Variants in GOLGB1 observed in about 807,000 individuals in gnomAD.
GOLGB1 encodes golgin B1, also known as golgin subfamily B member 1.
Under a neutral mutation model 336.9 loss-of-function variants are expected in GOLGB1, and 174 were observed. The ratio of observed to expected loss-of-function variants is 0.52; its 90% CI spans 0.46 to 0.59. The LOEUF is 0.59. Among genes scored for constraint, GOLGB1 ranks in the 20% least tolerant of loss-of-function variants. The pLI is 0.00. For synonymous variants in GOLGB1, 1,208 were observed against 1,289.2 expected (o/e 0.94, Z 1.35); for missense variants, 3,331 against 3,645.3 (o/e 0.91, Z 2.22).
chr3:121,721,444 T>C (rs1342513036), intron 6 of GOLGB1, among the ~76,000 whole-genome samples: 1 of 151,972 alleles, frequency 6.6e-6, no homozygotes, highest in Admixed American at 6.6e-5. Flanking sequence ...CTGGGCAACA[T>C]ATTGAGAACC....
chr3:121,687,403 T>A (rs899682764), intron 14 of GOLGB1, among the ~76,000 whole-genome samples: 1 of 152,216 alleles, frequency 6.6e-6, no homozygotes, highest in Non-Finnish European at 1.5e-5. Context: ...AAGACTTATA[T>A]GGTGATGGTC....
In GOLGB1 at chr3:121,664,945, G is replaced by T. The variant is rs138614748; in HGVS notation, c.9641C>A (p.Thr3214Lys). Residue 3214 changes from threonine to lysine, a missense_variant, in exon 21 of 22, where the codon ACA becomes AAA. Coordinates refer to ENST00000614479, the MANE Select transcript of GOLGB1 (RefSeq NM_001366282.2). ...TCTTACCCTTCGACAACTGTTGCTTGTAAGATCTATTAACAGTGCCTGCTC... is the reference window on the plus strand; with the variant it reads ...TCTTACCCTTCGACAACTGTTGCTTTTAAGATCTATTAACAGTGCCTGCTC... ...TQEQALLIDL[T>K]SNSCRRTRSG... 1 of 1,599,196 alleles carries T rather than the reference G, an allele frequency of 6.3e-7. No individual in the cohort carries two copies. Among genetic ancestry groups the T allele is most frequent in the Non-Finnish European group, 8.6e-7 (1 of 1,166,496 alleles).
At chr3:121,724,818 T>C (rs1289331246) in intron 5 of GOLGB1, among the ~76,000 whole-genome samples, 2 of 152,216 alleles carry the variant, frequency 1.3e-5, no homozygotes, top group Non-Finnish European at 2.9e-5. Context: ...GAATGGTTTC[T>C]GTGAATAGGC....
At chr3:121,730,659 C>A (rs1028753117) in intron 2 of GOLGB1, among the ~76,000 whole-genome samples, 26 of 152,142 alleles carry the variant, frequency 1.7e-4, no homozygotes, top group Non-Finnish European at 4.4e-5. Context: ...ATGAGAAAGC[C>A]CTTTCAAATT....
chr3:121,709,603 TCA>T (rs907814838), intron 10 of GOLGB1, among the ~76,000 whole-genome samples: 2 of 151,912 alleles, frequency 1.3e-5, no homozygotes, highest in African/African-American at 4.8e-5. Context: ...AATGAAAAAA[TCA>T]CAGAGAAACT....
rs945951616 is a variant in GOLGB1 at position 121,718,203 on chromosome 3, G to A, written c.885+185C>T. 5.3e-5 allele frequency among the ~76,000 whole-genome samples: 8 copies of A among 152,144 alleles called. 1 individual carries two copies. The highest frequency in any genetic ancestry group is 1.9e-4 in the East Asian group (1 of 5,194). The stretch of plus-strand genomic sequence containing the variant: ...TGTATGCTCCATGAGGGAAAGAACT[G>A]TATTTAGTTTTGCTCATAATTGTAC... On this transcript the variant is annotated intron_variant, in intron 8 of 21. Transcript: ENST00000614479.
At chr3:121,715,714 A>G (rs998103434) in intron 9 of GOLGB1, among the ~76,000 whole-genome samples, 5 of 152,034 alleles carry the variant, frequency 3.3e-5, no homozygotes, top group Admixed American at 1.3e-4. Context: ...CTGTCTGGCT[A>G]GGGCACAATG....
Position 121,696,900 on chromosome 3 carries a change from TCC to T in GOLGB1, c.3621_3622del (p.Glu1208GlyfsTer8). The T allele has an allele frequency of 6.2e-7, 1 of 1,614,204 alleles. No homozygotes were observed. The highest frequency in any genetic ancestry group is 1.7e-5 in the Admixed American group (1 of 60,032). On this transcript the variant is annotated frameshift_variant, in exon 13 of 22. Coordinates refer to ENST00000614479, the MANE Select transcript of GOLGB1 (RefSeq NM_001366282.2). LOFTEE classifies it high-confidence loss of function. ...GTCATCTTTCTGTTGCTTTAGCTCC[TCC>T]CTGAGATGTCTTTCTTTCTCCTGTG...
chr3:121,681,981 C>A (rs1941123776), intron 14 of GOLGB1, 116 bp from the exon 15 acceptor site: 3 of 691,084 alleles, frequency 4.3e-6, no homozygotes, highest in Non-Finnish European at 2.5e-6. Flanking sequence ...CAGCACCTAA[C>A]AGTCCACTGA....
chr3:121,680,817 A>G (rs1392444644), intron 15 of GOLGB1, among the ~76,000 whole-genome samples: 2 of 152,240 alleles, frequency 1.3e-5, no homozygotes, highest in Admixed American at 6.5e-5. Context: ...AATTAACCCA[A>G]TTAGAAAACG....
intron 10 of GOLGB1, among the ~76,000 whole-genome samples, chr3:121,705,679 A>G (rs1365923516): frequency 6.6e-6 from 1 of 152,252 alleles, no homozygotes; most frequent in Non-Finnish European, 1.5e-5. Flanking sequence ...AACCCTGCAG[A>G]TCTGCAAAGG....
intron 10 of GOLGB1, among the ~76,000 whole-genome samples, chr3:121,706,190 T>C (rs190747331): frequency 6.6e-6 from 1 of 151,074 alleles, no homozygotes. Flanking sequence ...CAACTTCAAG[T>C]AATCTAATAT....
At position 121,682,291 on chromosome 3, in the gene GOLGB1, C is replaced by T. The variant is rs150258117; in HGVS notation, c.8695-426G>A. On this transcript the variant is annotated intron_variant, in intron 14 of 21. Coordinates refer to ENST00000614479, the MANE Select transcript of GOLGB1 (RefSeq NM_001366282.2). ...GCTATCAATCTTAACTGTAGCTTAG[C>T]GGATACTGATTATAAAGAAGGCAGT... Among the ~76,000 whole-genome samples the T allele has an allele frequency of 1.1e-4, 16 of 152,272 alleles. 1 individual carries two copies. The highest frequency in any genetic ancestry group is 4.1e-4 in the South Asian group (2 of 4,826).
chr3:121,701,429 G>C (rs1395221594), intron 11 of GOLGB1, among the ~76,000 whole-genome samples: 1 of 152,116 alleles, frequency 6.6e-6, no homozygotes, highest in Non-Finnish European at 1.5e-5. Context: ...CTTCCATTTA[G>C]ATCTAAGTGG....
intron 15 of GOLGB1, 136 bp downstream of exon 15, chr3:121,681,551 T>A: frequency 1.5e-6 from 1 of 645,408 alleles, no homozygotes; most frequent in South Asian, 2.0e-5. Flanking sequence ...GCTACAGTTA[T>A]GTAAGATGTC....
At chr3:121,690,558 G>T in intron 14 of GOLGB1, 112 bp downstream of exon 14, 1 of 517,626 alleles carries the variant, frequency 1.9e-6, no homozygotes, top group South Asian at 5.4e-5. Flanking sequence ...TACTTTCCCT[G>T]CGTTCCCAGA....
chr3:121,678,805 G>A (rs1285411586), intron 15 of GOLGB1, among the ~76,000 whole-genome samples: 1 of 152,056 alleles, frequency 6.6e-6, no homozygotes, highest in African/African-American at 2.4e-5. Flanking sequence ...ACCTGCCTTG[G>A]CCTCCCAAAG....
At position 121,664,422 on chromosome 3, in the gene GOLGB1, T is replaced by C; in HGVS notation, c.*58A>G. ...TTCCACTGGAATTGATGTTCTGATG[T>C]TAGAGGTGAGAGAATTCCAAGTTTT... On this transcript the variant is annotated 3_prime_UTR_variant, in exon 22 of 22. Transcript: ENST00000614479. 1.4e-6 allele frequency: 2 copies of C among 1,394,396 alleles called. No individual in the cohort carries two copies. 86.4% of individuals were successfully genotyped at this position (1,394,396 alleles called of 1,614,324 possible).
In GOLGB1 at chr3:121,696,851, A is replaced by C. The variant is rs536625179; in HGVS notation, c.3672T>G (p.Phe1224Leu). 4 of 1,614,086 alleles carry C rather than the reference A, an allele frequency of 2.5e-6. No individual in the cohort carries two copies. In the East Asian group the frequency reaches 8.9e-5, roughly 36 times the overall value. Residue 1224 changes from phenylalanine to leucine, a missense_variant, in exon 13 of 22, where the codon TTT (phenylalanine) becomes TTG (leucine). Physicochemically the swap from Phe to Leu is conservative, Grantham distance 22 (BLOSUM62 0). Coordinates refer to ENST00000614479, the MANE Select transcript of GOLGB1 (RefSeq NM_001366282.2). The stretch of plus-strand genomic sequence containing the variant: ...TCTCATTTTCCTTGCTTTGCTCATC[A>C]AACTGTTCTTGCAAGCGATTATAGT... The part of the protein sequence containing the change: ...KDDYNRLQEQ[F>L]DEQSKENENI...
Sources: gnomAD v4.1 joint callset for allele counts (sites outside exome capture counted in the v4.1 genomes callset) on GRCh38, gnomAD v4.1.1 for gene constraint, MANE v1.5 for transcripts, NCBI Gene and HGNC (gene_info 2026-07-23, HGNC 2026-07-21) for gene names.